Variants in POLR1A observed in about 807,000 individuals in gnomAD.
POLR1A encodes RNA polymerase I subunit A.
In POLR1A, 84 loss-of-function variants were observed where a neutral mutation model predicts 205.3. The observed-to-expected ratio is 0.41, with a 90% CI of 0.34 to 0.49. POLR1A has a LOEUF of 0.49. POLR1A is among the 20% of genes least tolerant of loss of function. The pLI, the probability that POLR1A is intolerant of heterozygous loss-of-function variation, is 0.22. For missense variants in POLR1A, 1,645 were observed against 2,204.5 expected, an observed-to-expected ratio of 0.75 and a Z score of 5.08; for synonymous variants, 799 against 863.7, an observed-to-expected ratio of 0.93 and a Z score of 1.31.
chr2:86,080,260 C>A (rs1325732894), intron 9 of POLR1A, among the ~76,000 whole-genome samples: 1 of 152,150 alleles, frequency 6.6e-6, no homozygotes, highest in East Asian at 1.9e-4. Context: ...TGAACACCTA[C>A]TAATTAACCC....
rs1672955257 is a variant in POLR1A, at chr2:86,059,278, A to G, written c.2059-4989T>C. 2.0e-5 allele frequency among the ~76,000 whole-genome samples: 3 copies of G among 152,232 alleles called. No homozygotes were observed. In the South Asian group the frequency reaches 6.2e-4, roughly 32 times the overall value. ...AAAACATTTAAATGAACTTCTTGCCATATTTAGAGTGTGTTAGTGTGGTCC... is the reference window on the plus strand; with the variant it reads ...AAAACATTTAAATGAACTTCTTGCCGTATTTAGAGTGTGTTAGTGTGGTCC... On this transcript the variant is annotated intron_variant, in intron 14 of 33. Transcript: ENST00000263857.
At chr2:86,095,829 G>A (rs186910537) in intron 3 of POLR1A, among the ~76,000 whole-genome samples, 3 of 151,734 alleles carry the variant, frequency 2.0e-5, no homozygotes, top group Non-Finnish European at 4.4e-5. Context: ...CTGGGTTCAC[G>A]CCATTCTCCT....
At chr2:86,097,031 C>T (rs1016022381) in intron 3 of POLR1A, among the ~76,000 whole-genome samples, 1 of 151,612 alleles carries the variant, frequency 6.6e-6, no homozygotes, top group Non-Finnish European at 1.5e-5. Flanking sequence ...GCAAAAATCC[C>T]AAACAATTCG....
At chr2:86,049,116 T>A (rs1672756422) in intron 17 of POLR1A, 44 bp downstream of exon 17, 1 of 1,610,552 alleles carries the variant, frequency 6.2e-7, no homozygotes, top group African/African-American at 1.3e-5. Context: ...CAGCACACAC[T>A]TCACCCCTCT....
chr2:86,038,290 G>A (rs1672535097), intron 27 of POLR1A, among the ~76,000 whole-genome samples: 1 of 152,196 alleles, frequency 6.6e-6, no homozygotes, highest in Non-Finnish European at 1.5e-5. Flanking sequence ...AAATGCATCA[G>A]GAACCACATT....
intron 27 of POLR1A, among the ~76,000 whole-genome samples, chr2:86,034,650 T>C (rs1188804343): frequency 6.6e-6 from 1 of 152,034 alleles, no homozygotes; most frequent in African/African-American, 2.4e-5. Flanking sequence ...ACTGTGAGAA[T>C]CGGGTCCCTC....
Position 86,027,189 on chromosome 2 carries a change from G to C in POLR1A, c.*234C>G. 1 of 575,608 alleles carries C rather than the reference G, an allele frequency of 1.7e-6. No homozygotes were observed. The highest frequency in any genetic ancestry group is 3.1e-6 in the Non-Finnish European group (1 of 321,770). 35.7% of individuals were successfully genotyped at this position (575,608 alleles called of 1,614,324 possible). A position where few individuals can be genotyped will look rare whatever the true frequency, so the allele number is the denominator to read the frequency against. On this transcript the variant is annotated 3_prime_UTR_variant, in exon 34 of 34. Transcript: ENST00000263857. ...GGACTCAGAAGACTTGGTAAACCTT[G>C]ATAAAAATCCAGAGACAGGGAGGGG...
chr2:86,063,918 C>T (rs1351638924), intron 14 of POLR1A, among the ~76,000 whole-genome samples: 1 of 152,226 alleles, frequency 6.6e-6, no homozygotes, highest in African/African-American at 2.4e-5. Context: ...CTTCAGAATG[C>T]TTTCTAATTT....
intron 28 of POLR1A, among the ~76,000 whole-genome samples, chr2:86,033,321 G>A (rs564877986): frequency 3.5e-4 from 54 of 152,340 alleles, no homozygotes; most frequent in Non-Finnish European, 6.2e-4. Context: ...AAAGGAAACC[G>A]GAAAAAGAAC....
In POLR1A at chr2:86,039,207, C is replaced by T. The variant is rs986818752; in HGVS notation, c.3876+120G>A. ...AGCACCTGGCAGAGACAGCTTATCTCTCATTGGTGGGAATCTGAGCCTAGG... is the reference window on the plus strand; with the variant it reads ...AGCACCTGGCAGAGACAGCTTATCTTTCATTGGTGGGAATCTGAGCCTAGG... On this transcript the variant is annotated intron_variant, in intron 26 of 33. Transcript: ENST00000263857. 21 of 1,120,710 alleles carry T rather than the reference C, an allele frequency of 1.9e-5. No individual in the cohort carries two copies. The East Asian group carries it at 4.0e-4, about 21-fold the overall frequency. The allele number at this position is 1,120,710 out of a possible 1,614,324, so 69.4% of individuals were successfully genotyped here.
At chr2:86,097,214 CAAAAAAAAAAAAAAA>C (rs757210116) in intron 3 of POLR1A, among the ~76,000 whole-genome samples, 6 of 39,690 alleles carry the variant, frequency 1.5e-4, no homozygotes, top group Non-Finnish European at 2.1e-4. Context: ...CCCCAAAAGA[CAAAAAAAAAAAAAAA>C]AAAAAAAAAA....
intron 8 of POLR1A, 66 bp downstream of exon 8, chr2:86,081,535 G>C: frequency 9.9e-7 from 1 of 1,006,400 alleles, no homozygotes. Flanking sequence ...ACCTCTCCTA[G>C]AGGTCACATT....
rs1235901046 is a variant in POLR1A at position 86,083,227 on chromosome 2, A to G, written c.731-59T>C. ...ATCAGAAACAGGTACTCTTTCTGCAATGGGATTTATCAATTCTTTATCCCC... is the reference window on the plus strand; with the variant it reads ...ATCAGAAACAGGTACTCTTTCTGCAGTGGGATTTATCAATTCTTTATCCCC... On this transcript the variant is annotated intron_variant, in intron 6 of 33. Transcript: ENST00000263857. 1.7e-5 allele frequency: 20 copies of G among 1,166,174 alleles called. No individual in the cohort carries two copies. The East Asian group carries it at 3.7e-4, about 22-fold the overall frequency. 72.2% of individuals were successfully genotyped at this position (1,166,174 alleles called of 1,614,324 possible).
intron 27 of POLR1A, among the ~76,000 whole-genome samples, chr2:86,037,482 G>A (rs569226984): frequency 4.1e-4 from 62 of 152,392 alleles, no homozygotes; most frequent in African/African-American, 1.4e-3. Context: ...CAGAAAAGTC[G>A]TACTGTGTTG....
rs776998527 is a variant in POLR1A at position 86,027,526 on chromosome 2, G to A, written c.5063-3C>T. 3 of 1,612,888 alleles carry A rather than the reference G, an allele frequency of 1.9e-6. No individual in the cohort carries two copies. The East Asian group carries it at 6.7e-5, about 36-fold the overall frequency. On this transcript the variant is annotated splice_region_variant and splice_polypyrimidine_tract_variant and intron_variant, in intron 33 of 33. Coordinates refer to ENST00000263857, the MANE Select transcript of POLR1A (RefSeq NM_015425.6). ...AGACCTCAGCTCATCGTGGGATCCTGACAGAGACACAAAAACATGTGTCAG... is the reference window on the plus strand; with the variant it reads ...AGACCTCAGCTCATCGTGGGATCCTAACAGAGACACAAAAACATGTGTCAG...
At position 86,027,203 on chromosome 2, in the gene POLR1A, G is replaced by A. The variant is rs891096578; in HGVS notation, c.*220C>T. On this transcript the variant is annotated 3_prime_UTR_variant, in exon 34 of 34. Coordinates refer to ENST00000263857, the MANE Select transcript of POLR1A (RefSeq NM_015425.6). ...TGGTAAACCTTGATAAAAATCCAGAGACAGGGAGGGGCAAGGATGAGCAAC... is the reference window on the plus strand; with the variant it reads ...TGGTAAACCTTGATAAAAATCCAGAAACAGGGAGGGGCAAGGATGAGCAAC... 21 of 585,080 alleles carry A rather than the reference G, an allele frequency of 3.6e-5. No individual in the cohort carries two copies. The highest frequency in any genetic ancestry group is 1.9e-4 in the South Asian group (9 of 48,264). 36.2% of individuals were successfully genotyped at this position (585,080 alleles called of 1,614,324 possible). A position where few individuals can be genotyped will look rare whatever the true frequency, so the allele number is the denominator to read the frequency against.
At position 86,025,103 on chromosome 2, in the gene POLR1A, A is replaced by C. The variant is rs1009224637; in HGVS notation, c.*2320T>G. On this transcript the variant is annotated 3_prime_UTR_variant, in exon 34 of 34. Coordinates refer to ENST00000263857, the MANE Select transcript of POLR1A (RefSeq NM_015425.6). Reference sequence around the variant, plus strand: ...AGTGGAGCCGAGATTGCGCCATTGCACTCAGCCTGGGTAACAAGTGCAAAA... The same window carrying C: ...AGTGGAGCCGAGATTGCGCCATTGCCCTCAGCCTGGGTAACAAGTGCAAAA... 1 of 152,194 alleles carries C rather than the reference A, an allele frequency of 6.6e-6. No individual in the cohort carries two copies. Among genetic ancestry groups the C allele is most frequent in the Non-Finnish European group, 1.5e-5 (1 of 68,052 alleles). The allele number at this position is 152,194 out of a possible 1,614,324, so 9.4% of individuals were successfully genotyped here.
chr2:86,061,877 TG>T (rs1673003013), intron 14 of POLR1A, among the ~76,000 whole-genome samples: 2 of 152,182 alleles, frequency 1.3e-5, no homozygotes, highest in Non-Finnish European at 2.9e-5. Flanking sequence ...GGGGTGCTGG[TG>T]ATATGCTACT....
chr2:86,087,599 GT>G (rs1673525303), intron 6 of POLR1A, among the ~76,000 whole-genome samples: 1 of 152,210 alleles, frequency 6.6e-6, no homozygotes, highest in South Asian at 2.1e-4. Context: ...CTGGAGTGCG[GT>G]GGCACGATCT....
Sources: gnomAD v4.1 joint callset for allele counts (sites outside exome capture counted in the v4.1 genomes callset) on GRCh38, gnomAD v4.1.1 for gene constraint, MANE v1.5 for transcripts, NCBI Gene and HGNC (gene_info 2026-07-23, HGNC 2026-07-21) for gene names.